Variants in GLIS3 observed in about 807,000 individuals in gnomAD.
The protein encoded by GLIS3 is zinc finger protein GLIS3.
A neutral mutation model predicts 78.6 loss-of-function variants in GLIS3; 53 were observed. The ratio of observed to expected loss-of-function variants is 0.67; its 90% CI spans 0.54 to 0.85. The LOEUF (loss-of-function observed/expected upper bound fraction) is 0.85. Ranked by LOEUF, GLIS3 falls within the 40% of genes least tolerant of loss-of-function variation. GLIS3 has a pLI of 0.00. For missense variants in GLIS3, 1,703 were observed against 1,231.1 expected (o/e 1.38, Z -5.74); for synonymous variants, 684 against 509.9 (o/e 1.34, Z -4.60).
chr9:4,260,426 G>C (rs1219851390), intron 2 of GLIS3, among the ~76,000 whole-genome samples: 1 of 152,060 alleles, frequency 6.6e-6, no homozygotes, highest in Non-Finnish European at 1.5e-5. Flanking sequence ...AATTAGCTTG[G>C]CGTGGTGGCA....
intron 2 of GLIS3, among the ~76,000 whole-genome samples, chr9:4,144,513 A>G (rs1834060140): frequency 6.6e-6 from 1 of 152,248 alleles, no homozygotes; most frequent in Admixed American, 6.5e-5. Flanking sequence ...TTGTTTATAC[A>G]TGATTAAGCA....
chr9:4,199,777 C>A (rs1819197794), intron 2 of GLIS3, among the ~76,000 whole-genome samples: 1 of 152,074 alleles, frequency 6.6e-6, no homozygotes. Flanking sequence ...CAAACAAAAT[C>A]TGTAGTTAAA....
At chr9:3,940,861 C>T (rs1815842593) in intron 4 of GLIS3, among the ~76,000 whole-genome samples, 1 of 152,274 alleles carries the variant, frequency 6.6e-6, no homozygotes, top group East Asian at 1.9e-4. Flanking sequence ...CCAAAAAATA[C>T]TGAGTAAGCT....
At chr9:3,979,984 A>G (rs994231566) in intron 4 of GLIS3, among the ~76,000 whole-genome samples, 3 of 152,036 alleles carry the variant, frequency 2.0e-5, no homozygotes. Flanking sequence ...CAGGCAAAAG[A>G]GAGGGTGGGG....
the GLIS3 span, among the ~76,000 whole-genome samples, chr9:4,408,731 A>AC: frequency 8.6e-3 from 1,290 of 150,252 alleles, 32 homozygotes; most frequent in East Asian, 0.065. Flanking sequence ...TGTCTCAAAA[A>AC]AAAAAAAAAA....
intron 4 of GLIS3, among the ~76,000 whole-genome samples, chr9:4,089,939 A>T (rs764327): frequency 0.65 from 99,424 of 152,088 alleles, 32,740 homozygotes; most frequent in Non-Finnish European, 0.68. Flanking sequence ...TTTTGTTCAG[A>T]CAAAGTGGTG....
At chr9:3,865,598 T>C (rs1363928978) in intron 8 of GLIS3, among the ~76,000 whole-genome samples, 1 of 152,244 alleles carries the variant, frequency 6.6e-6, no homozygotes, top group Non-Finnish European at 1.5e-5. Context: ...CTTCATGCTA[T>C]TGTAATAAAG....
chr9:3,905,142 TTTTTTC>T lies in GLIS3; in HGVS notation c.1984-6313_1984-6308del, dbSNP rs1224180405. On this transcript the variant is annotated intron_variant, in intron 6 of 10. Coordinates refer to ENST00000381971, the MANE Select transcript of GLIS3 (RefSeq NM_001042413.2). ...CGCCTGCCGCCACGCCCGGTTAAAT[TTTTTTC>T]TTTTTTTTTTTTTTGCTATTTTTAG... Among the ~76,000 whole-genome samples, 129 of 133,776 alleles carry T rather than the reference TTTTTTC, an allele frequency of 9.6e-4. 1 individual carries two copies. The highest frequency in any genetic ancestry group is 1.7e-3 in the Non-Finnish European group (109 of 63,748). The allele number at this position is 133,776 out of a possible 152,430, so 87.8% of individuals were successfully genotyped here.
At chr9:4,412,148 G>C in the GLIS3 span, among the ~76,000 whole-genome samples, 6 of 152,286 alleles carry the variant, frequency 3.9e-5, no homozygotes, top group East Asian at 9.6e-4. Context: ...CCAAACTAAA[G>C]CTTAGGTGGC....
At chr9:3,945,421 A>T (rs758302685) in intron 4 of GLIS3, among the ~76,000 whole-genome samples, 5 of 152,216 alleles carry the variant, frequency 3.3e-5, no homozygotes, top group Non-Finnish European at 5.9e-5. Flanking sequence ...ATGGACCATG[A>T]ACATATTGAG....
At position 4,334,995 on chromosome 9, in the gene GLIS3, A is replaced by G. The variant is rs1417037324; in HGVS notation, n.264+12086T>C. On this transcript the variant is annotated intron_variant and non_coding_transcript_variant, in intron 2 of 4. Transcript: ENST00000471664. ...GTGATCTCGGCTCACCGCAAGCTCC[A>G]CCTCCCGGGTTCATGCCATTCTCCT... 2.2e-4 allele frequency among the ~76,000 whole-genome samples: 24 copies of G among 108,592 alleles called. No homozygotes were observed. In the Admixed American group the frequency reaches 2.9e-3, roughly 13 times the overall value. 71.2% of individuals were successfully genotyped at this position (108,592 alleles called of 152,430 possible).
the GLIS3 span, among the ~76,000 whole-genome samples, chr9:4,419,465 G>A: frequency 6.6e-5 from 10 of 152,148 alleles, no homozygotes; most frequent in East Asian, 1.3e-3. Context: ...AGGAGCAAGA[G>A]AGAGGGAAGG....
intron 4 of GLIS3, among the ~76,000 whole-genome samples, chr9:4,099,208 T>G (rs1830181310): frequency 6.6e-6 from 1 of 152,156 alleles, no homozygotes; most frequent in Non-Finnish European, 1.5e-5. Flanking sequence ...ATAACAGAAA[T>G]GCATCGTCTT....
rs754267439 is a variant in GLIS3 at position 4,123,812 on chromosome 9, G to A, written c.596+1922C>T. 66 of 398,172 alleles carry A rather than the reference G, an allele frequency of 1.7e-4. No individual in the cohort carries two copies. The Admixed American group carries it at 1.9e-3, about 12-fold the overall frequency. 24.7% of individuals were successfully genotyped at this position (398,172 alleles called of 1,614,324 possible). On this transcript the variant is annotated intron_variant, in intron 3 of 10. Transcript: ENST00000381971. The stretch of plus-strand genomic sequence containing the variant: ...CAGAATTCAGGATGACTGTCATTTA[G>A]TGCTTGGTACTTTTCCATGTTTTCC...
At chr9:4,371,421 C>T in the GLIS3 span, among the ~76,000 whole-genome samples, 4 of 152,232 alleles carry the variant, frequency 2.6e-5, no homozygotes, top group Non-Finnish European at 5.9e-5. Flanking sequence ...AGTGCTAAGC[C>T]TTTCCTTTGA....
At chr9:4,210,433 A>G (rs1487946866) in intron 2 of GLIS3, among the ~76,000 whole-genome samples, 1 of 152,210 alleles carries the variant, frequency 6.6e-6, no homozygotes, top group Non-Finnish European at 1.5e-5. Context: ...TGAATTGCCA[A>G]TCCGAAAACA....
chr9:4,351,997 A>T (rs1817977796), upstream of GLIS3, among the ~76,000 whole-genome samples: 1 of 152,242 alleles, frequency 6.6e-6, no homozygotes, highest in South Asian at 2.1e-4. Flanking sequence ...CTCTTGGTTA[A>T]AAAGTAAATA....
At chr9:4,489,713 C>G in the GLIS3 span, among the ~76,000 whole-genome samples, 563 of 152,294 alleles carry the variant, frequency 3.7e-3, 10 homozygotes, top group South Asian at 0.036. Context: ...CTCCCGGGTC[C>G]GGTTCTCAGT....
In GLIS3 at chr9:3,977,967, C is replaced by T. The variant is rs566219211; in HGVS notation, c.1711-40778G>A. On this transcript the variant is annotated intron_variant, in intron 4 of 10. Coordinates refer to ENST00000381971, the MANE Select transcript of GLIS3 (RefSeq NM_001042413.2). The surrounding 1 kb of genome is among the most constrained non-coding windows in gnomAD (Gnocchi z 4.1). ...ATGACAGCGAAAGGCCAGTTGACAC[C>T]GCTGGGTGCACCCTCCGCTGCTCCA... 1.5e-3 allele frequency among the ~76,000 whole-genome samples: 231 copies of T among 152,268 alleles called. 1 individual carries two copies. The highest frequency in any genetic ancestry group is 5.4e-3 in the African/African-American group (223 of 41,540).
Sources: gnomAD v4.1 joint callset for allele counts (sites outside exome capture counted in the v4.1 genomes callset) on GRCh38, gnomAD v4.1.1 for gene constraint, Gnocchi (gnomAD v3.1) non-coding constraint, MANE v1.5 for transcripts, NCBI Gene and HGNC (gene_info 2026-07-23, HGNC 2026-07-21) for gene names.